The following DPY19L3 variants were observed in gnomAD, a reference collection of about 807,000 sequenced individuals.
DPY19L3 encodes the protein protein C-mannosyl-transferase DPY19L3.
DPY19L3 carries 51 observed loss-of-function variants against 92.3 expected under a neutral mutation model. The ratio of observed to expected loss-of-function variants is 0.55; its 90% CI spans 0.44 to 0.70. The LOEUF is 0.70. DPY19L3 is among the 30% of genes least tolerant of loss of function. The pLI, the probability that DPY19L3 is intolerant of heterozygous loss-of-function variation, is 0.00. For synonymous variants in DPY19L3, 309 were observed against 315.2 expected, an observed-to-expected ratio of 0.98 and a Z score of 0.21; for missense variants, 706 against 855.9, an observed-to-expected ratio of 0.82 and a Z score of 2.18.
intron 14 of DPY19L3, among the ~76,000 whole-genome samples, chr19:32,464,359 T>C (rs1374166297): frequency 6.6e-6 from 1 of 152,174 alleles, no homozygotes; most frequent in Non-Finnish European, 1.5e-5. Context: ...AAATGCAGTT[T>C]TGAATTGTTC....
intron 16 of DPY19L3, among the ~76,000 whole-genome samples, chr19:32,470,747 C>T (rs1321010497): frequency 1.4e-5 from 2 of 144,978 alleles, no homozygotes. Flanking sequence ...GCTCGTCTCC[C>T]TGTAGTGCTT....
Position 32,484,650 on chromosome 19 carries a change from A to G in DPY19L3, c.*2410A>G, listed in dbSNP as rs1041315936. On this transcript the variant is annotated 3_prime_UTR_variant, in exon 19 of 19. Coordinates refer to ENST00000392250, the MANE Select transcript of DPY19L3 (RefSeq NM_001172774.2). ...ATCTCTCTCGTAAGCCACCTGCCAC[A>G]GCACAGCTGGAGGCTGTTCTCTGGT... is the stretch of plus-strand genomic sequence containing the variant. 2.0e-5 allele frequency: 3 copies of G among 152,218 alleles called. No individual in the cohort carries two copies. Among genetic ancestry groups the G allele is most frequent in the Non-Finnish European group, 2.9e-5 (2 of 68,064 alleles). 9.4% of individuals were successfully genotyped at this position (152,218 alleles called of 1,614,324 possible).
At chr19:32,467,759 A>C (rs935460158) in intron 15 of DPY19L3, 2 of 983,818 alleles carry the variant, frequency 2.0e-6, no homozygotes, top group African/African-American at 3.5e-5. Context: ...CTTAGAATGT[A>C]TATAGATATG....
chr19:32,477,204 G>A (rs1970537393), intron 16 of DPY19L3, among the ~76,000 whole-genome samples: 1 of 152,046 alleles, frequency 6.6e-6, no homozygotes, highest in South Asian at 2.1e-4. Context: ...AGTAAACCTA[G>A]CAAAACAGTA....
At position 32,437,237 on chromosome 19, in the gene DPY19L3, G is replaced by A; in HGVS notation, c.494G>A (p.Gly165Glu). Reference sequence around the variant, plus strand: ...TATTTTTATATTTACACCTTATTTGGGCTCCAGGCGATCTATGTCACAGCT... The same window carrying A: ...TATTTTTATATTTACACCTTATTTGAGCTCCAGGCGATCTATGTCACAGCT... ...PVYFYIYTLF[G>E]LQAIYVTALY... The change falls in exon 6 of 19, where the codon GGG becomes GAG. Residue 165 changes from glycine to glutamate, a missense_variant. Physicochemically the swap from Gly to Glu is moderately conservative, Grantham distance 98. Coordinates refer to ENST00000392250, the MANE Select transcript of DPY19L3 (RefSeq NM_001172774.2). 1 of 1,613,876 alleles carries A rather than the reference G, an allele frequency of 6.2e-7. No individual in the cohort carries two copies. Among genetic ancestry groups the A allele is most frequent in the East Asian group, 2.2e-5 (1 of 44,856 alleles).
rs1273112335 is a variant in DPY19L3 at position 32,464,802 on chromosome 19, C to T, written c.1614+18C>T. On this transcript the variant is annotated intron_variant, in intron 15 of 18. Coordinates refer to ENST00000392250, the MANE Select transcript of DPY19L3 (RefSeq NM_001172774.2). ...GCTATAAGGTAAGACTGATTTTCCT[C>T]ATTCTTGTCATTCATGTATTTAGCA... The T allele has an allele frequency of 6.2e-6, 9 of 1,452,338 alleles. No individual in the cohort carries two copies. Among genetic ancestry groups the T allele is most frequent in the Non-Finnish European group, 8.4e-6 (9 of 1,072,964 alleles). The allele number at this position is 1,452,338 out of a possible 1,614,324, so 90.0% of individuals were successfully genotyped here. A position where few individuals can be genotyped will look rare whatever the true frequency, so the allele number is the denominator to read the frequency against.
intron 16 of DPY19L3, among the ~76,000 whole-genome samples, chr19:32,471,873 A>T (rs1970368223): frequency 6.6e-6 from 1 of 152,218 alleles, no homozygotes; most frequent in African/African-American, 2.4e-5. Context: ...GATTCCTGTG[A>T]AGACTCTTAA....
Position 32,439,198 on chromosome 19 carries a change from CA to C in DPY19L3, c.684del (p.Tyr229IlefsTer3). The C allele has an allele frequency of 6.2e-7, 1 of 1,613,680 alleles. No individual in the cohort carries two copies. The highest frequency in any genetic ancestry group is 8.5e-7 in the Non-Finnish European group (1 of 1,179,708). On this transcript the variant is annotated frameshift_variant, in exon 7 of 19. Coordinates refer to ENST00000392250, the MANE Select transcript of DPY19L3 (RefSeq NM_001172774.2). LOFTEE classifies it high-confidence loss of function. ...PFFAIQIAAI[T>X]YFLRPNLQPL... ...TTTGCAATTCAGATAGCAGCAATTA[CA>C]TATTTCCTGAGACCAAACTTACAGC...
intron 4 of DPY19L3, among the ~76,000 whole-genome samples, chr19:32,435,429 T>C (rs1336920853): frequency 6.6e-6 from 1 of 152,248 alleles, no homozygotes; most frequent in Non-Finnish European, 1.5e-5. Flanking sequence ...AGTGACCTTG[T>C]GCCAATGTCA....
chr19:32,411,319 T>C lies in DPY19L3; in HGVS notation c.184T>C (p.Ser62Pro). The change falls in exon 3 of 19, where the codon TCT (serine) becomes CCT (proline). Residue 62 changes from serine to proline, a missense_variant. Ser to Pro is a moderately conservative substitution (Grantham distance 74, BLOSUM62 -1). Coordinates refer to ENST00000392250, the MANE Select transcript of DPY19L3 (RefSeq NM_001172774.2). ...TIALCIGLLT[S>P]VYLATLHEND... ...TGCCCTTTGCATTGGACTTCTTACA[T>C]CTGTCTACCTTGCCACGTTACATGA... 1 of 1,614,054 alleles carries C rather than the reference T, an allele frequency of 6.2e-7. No homozygotes were observed. Among genetic ancestry groups the C allele is most frequent in the Non-Finnish European group, 8.5e-7 (1 of 1,179,978 alleles).
chr19:32,416,010 A>G (rs1363809231), intron 3 of DPY19L3, among the ~76,000 whole-genome samples: 4 of 152,224 alleles, frequency 2.6e-5, no homozygotes, highest in Non-Finnish European at 5.9e-5. Flanking sequence ...AGGCAGAGGA[A>G]ACAGCAAGCC....
chr19:32,447,801 T>TA (rs1568343991), intron 8 of DPY19L3, among the ~76,000 whole-genome samples: 79 of 71,816 alleles, frequency 1.1e-3, no homozygotes, highest in South Asian at 2.5e-3. Context: ...TCCATCTCAT[T>TA]CATAGATAGA....
chr19:32,484,509 T>C lies in DPY19L3; in HGVS notation c.*2269T>C, dbSNP rs1413582541. 4.3e-4 allele frequency: 66 copies of C among 152,174 alleles called. 1 individual carries two copies. The highest frequency in any genetic ancestry group is 4.2e-3 in the Admixed American group (64 of 15,282). The allele number at this position is 152,174 out of a possible 1,614,324, so 9.4% of individuals were successfully genotyped here. A position where few individuals can be genotyped will look rare whatever the true frequency, so the allele number is the denominator to read the frequency against. ...CCTCAAAGAATGGCTCTGTTTTCTA[T>C]TGACAGAAAACCCACTTGATTTTGC... is the stretch of plus-strand genomic sequence containing the variant. On this transcript the variant is annotated 3_prime_UTR_variant, in exon 19 of 19. Transcript: ENST00000392250.
At chr19:32,416,443 G>A (rs1014393373) in intron 3 of DPY19L3, among the ~76,000 whole-genome samples, 1 of 152,114 alleles carries the variant, frequency 6.6e-6, no homozygotes, top group Non-Finnish European at 1.5e-5. Flanking sequence ...AAATGCCTTC[G>A]TTTCACACAC....
chr19:32,433,734 T>C (rs563099699), intron 4 of DPY19L3, among the ~76,000 whole-genome samples: 187 of 152,148 alleles, frequency 1.2e-3, no homozygotes, highest in Non-Finnish European at 2.3e-3. Flanking sequence ...ATAAGTGATG[T>C]TTTTTACTTG....
intron 18 of DPY19L3, chr19:32,480,932 T>A: frequency 4.8e-6 from 2 of 418,266 alleles, no homozygotes; most frequent in Non-Finnish European, 8.4e-6. Flanking sequence ...AGCTGCTGCA[T>A]GGCAGGGATG....
At position 32,437,373 on chromosome 19, in the gene DPY19L3, A is replaced by C. The variant is rs773710388; in HGVS notation, c.596+34A>C. The C allele has an allele frequency of 1.9e-6, 3 of 1,573,640 alleles. No individual in the cohort carries two copies. In the African/African-American group the frequency reaches 4.1e-5, roughly 22 times the overall value. Reference sequence around the variant, plus strand: ...GAGTCAGTATGCTTCTTTTTTTTCCAAAATGTAAGTAAAAATGAAGTCACT... The same window carrying C: ...GAGTCAGTATGCTTCTTTTTTTTCCCAAATGTAAGTAAAAATGAAGTCACT... On this transcript the variant is annotated intron_variant, in intron 6 of 18. Coordinates refer to ENST00000392250, the MANE Select transcript of DPY19L3 (RefSeq NM_001172774.2).
chr19:32,458,235 C>G, intron 11 of DPY19L3, 62 bp downstream of exon 11: 1 of 1,582,432 alleles, frequency 6.3e-7, no homozygotes, highest in Non-Finnish European at 8.6e-7. Context: ...GACTTTAAAA[C>G]TTAAGTTGTC....
rs372571906 is a variant in DPY19L3, at chr19:32,477,598, A to G, written c.1774A>G (p.Thr592Ala). Reference sequence around the variant, plus strand: ...CGGAGTCAAGCTGTGCACGGGAAGGACCCTAACCAACCACCCGCACTATGA... The same window carrying G: ...CGGAGTCAAGCTGTGCACGGGAAGGGCCCTAACCAACCACCCGCACTATGA... ...LAGVKLCTGR[T>A]LTNHPHYEDS... is the part of the protein sequence containing the mutation. Residue 592 changes from threonine (T) to alanine (A), a missense_variant, in exon 17 of 19, where the codon ACC (threonine) becomes GCC (alanine). By Grantham distance (58) the Thr-to-Ala change is moderately conservative. Coordinates refer to ENST00000392250, the MANE Select transcript of DPY19L3 (RefSeq NM_001172774.2). 3 of 1,613,976 alleles carry G rather than the reference A, an allele frequency of 1.9e-6. No homozygotes were observed. The African/African-American group carries it at 4.0e-5, about 22-fold the overall frequency.
Sources: gnomAD v4.1 joint callset for allele counts (sites outside exome capture counted in the v4.1 genomes callset) on GRCh38, gnomAD v4.1.1 for gene constraint, MANE v1.5 for transcripts, NCBI Gene and HGNC (gene_info 2026-07-23, HGNC 2026-07-21) for gene names.